Variants in PARD3 observed in about 807,000 individuals in gnomAD.
The protein encoded by PARD3 is par-3 family cell polarity regulator.
PARD3 carries 75 observed loss-of-function variants against 155.4 expected under a neutral mutation model. That is an observed-to-expected ratio of 0.48 (90% CI 0.40 to 0.58). The LOEUF (loss-of-function observed/expected upper bound fraction) is 0.58, where lower values mean the gene tolerates loss of function less well. Among genes scored for constraint, PARD3 ranks in the 20% least tolerant of loss-of-function variants. The pLI, the probability that PARD3 is intolerant of heterozygous loss-of-function variation, is 0.00. For synonymous variants in PARD3, 576 were observed against 610.5 expected (o/e 0.94, Z 0.83); for missense variants, 1,642 against 1,721.7 (o/e 0.95, Z 0.82).
intron 1 of PARD3, among the ~76,000 whole-genome samples, chr10:34,729,530 C>CA (rs56210783): frequency 0.36 from 39,704 of 110,948 alleles, 6,536 homozygotes; most frequent in Non-Finnish European, 0.44. Flanking sequence ...GACTCCATCT[C>CA]AAAAAAAAAA....
chr10:34,718,341 T>C (rs2094552875), intron 1 of PARD3, among the ~76,000 whole-genome samples: 1 of 151,764 alleles, frequency 6.6e-6, no homozygotes, highest in African/African-American at 2.4e-5. Flanking sequence ...GGAGAAATCT[T>C]AGGACAAAGG....
chr10:34,407,155 A>G (rs952589815), intron 5 of PARD3, among the ~76,000 whole-genome samples: 3 of 152,206 alleles, frequency 2.0e-5, no homozygotes, highest in East Asian at 1.9e-4. Flanking sequence ...CATTTTTATG[A>G]TAAGTCTTTT....
chr10:34,143,040 G>C (rs1365993829), intron 22 of PARD3, among the ~76,000 whole-genome samples: 1 of 152,168 alleles, frequency 6.6e-6, no homozygotes, highest in Non-Finnish European at 1.5e-5. Flanking sequence ...TTGAAATAAA[G>C]GCTGGGGGCG....
intron 22 of PARD3, among the ~76,000 whole-genome samples, chr10:34,247,519 A>C (rs1323032682): frequency 6.6e-6 from 1 of 152,188 alleles, no homozygotes; most frequent in Non-Finnish European, 1.5e-5. Context: ...AAACAAAACA[A>C]AAAACACAAA....
chr10:34,389,322 A>G (rs1312648322), intron 7 of PARD3, among the ~76,000 whole-genome samples: 2 of 150,124 alleles, frequency 1.3e-5, no homozygotes, highest in African/African-American at 5.0e-5. Flanking sequence ...TTCTTTGTAC[A>G]TGATTTTGGA....
At chr10:34,318,413 T>C (rs982315865) in intron 19 of PARD3, among the ~76,000 whole-genome samples, 1 of 152,210 alleles carries the variant, frequency 6.6e-6, no homozygotes, top group East Asian at 1.9e-4. Context: ...AAAGAAAGTA[T>C]AGATCATTAT....
intron 20 of PARD3, among the ~76,000 whole-genome samples, chr10:34,313,892 T>G (rs1325307278): frequency 6.6e-6 from 1 of 152,252 alleles, no homozygotes; most frequent in South Asian, 2.1e-4. Context: ...TATATTTACC[T>G]ACAAAACTAG....
intron 2 of PARD3, among the ~76,000 whole-genome samples, chr10:34,604,649 TAG>T (rs1564403514): frequency 6.7e-6 from 1 of 148,688 alleles, no homozygotes; most frequent in East Asian, 1.9e-4. Flanking sequence ...ATAAAATATA[TAG>T]AGATCCTATT....
At chr10:34,343,193 C>T (rs534876184) in intron 15 of PARD3, 1 of 367,040 alleles carries the variant, frequency 2.7e-6, no homozygotes, top group South Asian at 1.1e-4. Context: ...CCCCAATGGA[C>T]AACTCACCAC....
At chr10:34,808,003 A>G (rs757591152) in intron 1 of PARD3, among the ~76,000 whole-genome samples, 3 of 152,240 alleles carry the variant, frequency 2.0e-5, no homozygotes, top group Non-Finnish European at 2.9e-5. Context: ...GTTAAAACAA[A>G]GTTATTTTTA....
At chr10:34,135,226 C>G (rs1475553818) in intron 22 of PARD3, among the ~76,000 whole-genome samples, 1 of 152,208 alleles carries the variant, frequency 6.6e-6, no homozygotes, top group African/African-American at 2.4e-5. Flanking sequence ...AACATCCACA[C>G]AGACAGCTAT....
intron 3 of PARD3, among the ~76,000 whole-genome samples, chr10:34,486,190 T>A (rs1193311765): frequency 6.6e-6 from 1 of 152,116 alleles, no homozygotes; most frequent in Non-Finnish European, 1.5e-5. Context: ...AGTGTTGGGA[T>A]TAGAGGCACG....
chr10:34,439,269 C>T (rs542367264), intron 5 of PARD3, among the ~76,000 whole-genome samples: 7 of 151,922 alleles, frequency 4.6e-5, no homozygotes, highest in East Asian at 1.9e-4. Context: ...TGAATTACTT[C>T]GGAGAATTAA....
intron 5 of PARD3, among the ~76,000 whole-genome samples, chr10:34,427,479 C>T (rs2075677854): frequency 6.6e-6 from 1 of 152,176 alleles, no homozygotes; most frequent in South Asian, 2.1e-4. Context: ...GTTCTCTGCT[C>T]TTGAACCCTG....
chr10:34,459,729 G>A (rs944587151), intron 4 of PARD3, among the ~76,000 whole-genome samples: 1 of 151,788 alleles, frequency 6.6e-6, no homozygotes, highest in African/African-American at 2.4e-5. Context: ...ATTTAAAAAC[G>A]AATGTATATA....
At chr10:34,469,462 A>T (rs1046296472) in intron 4 of PARD3, among the ~76,000 whole-genome samples, 1 of 152,210 alleles carries the variant, frequency 6.6e-6, no homozygotes, top group South Asian at 2.1e-4. Context: ...CTTTATTCAG[A>T]TTAAATAAAT....
At chr10:34,695,538 G>A (rs4934644) in intron 2 of PARD3, among the ~76,000 whole-genome samples, 88,388 of 149,948 alleles carry the variant, frequency 0.59, 27,369 homozygotes, top group Non-Finnish European at 0.67. Context: ...ATCCTGTCAC[G>A]CATTCTCAAA....
intron 2 of PARD3, among the ~76,000 whole-genome samples, chr10:34,573,349 C>T (rs961020750): frequency 1.3e-5 from 2 of 152,056 alleles, no homozygotes; most frequent in African/African-American, 4.8e-5. Flanking sequence ...GAGTAAGACC[C>T]TGTCTCTTAA....
intron 22 of PARD3, among the ~76,000 whole-genome samples, chr10:34,232,109 G>A (rs935795773): frequency 6.6e-6 from 1 of 152,104 alleles, no homozygotes; most frequent in Non-Finnish European, 1.5e-5. Flanking sequence ...CCTGGTTTGA[G>A]AGCAGAGTCA....
Sources: gnomAD v4.1 joint callset for allele counts (sites outside exome capture counted in the v4.1 genomes callset) on GRCh38, gnomAD v4.1.1 for gene constraint, MANE v1.5 for transcripts, NCBI Gene and HGNC (gene_info 2026-07-23, HGNC 2026-07-21) for gene names.